Variants in NTRK2 observed in about 807,000 individuals in gnomAD.
NTRK2 encodes the protein neurotrophic receptor tyrosine kinase 2, also known as BDNF/NT-3 growth factors receptor.
NTRK2 carries 13 observed loss-of-function variants against 94.5 expected under a neutral mutation model. That is an observed-to-expected ratio of 0.14 (90% CI 0.09 to 0.22). The LOEUF is 0.22. NTRK2 is among the 10% of genes least tolerant of loss of function. The pLI, the probability that NTRK2 is intolerant of heterozygous loss-of-function variation, is 1.00. For missense variants in NTRK2, 639 were observed against 1,071.2 expected, an observed-to-expected ratio of 0.60 and a Z score of 5.63; for synonymous variants, 372 against 407.4, an observed-to-expected ratio of 0.91 and a Z score of 1.05.
chr9:84,818,728 T>C (rs931070275), intron 12 of NTRK2, among the ~76,000 whole-genome samples: 24 of 152,226 alleles, frequency 1.6e-4, no homozygotes, highest in Admixed American at 2.6e-4. Context: ...CCCATTCTTT[T>C]GGAGTAGTCC....
At chr9:84,804,680 A>G (rs2070898869) in intron 12 of NTRK2, among the ~76,000 whole-genome samples, 1 of 152,242 alleles carries the variant, frequency 6.6e-6, no homozygotes, top group Non-Finnish European at 1.5e-5. Context: ...CTATGGTGGC[A>G]GCAGCAACTG....
intron 9 of NTRK2, among the ~76,000 whole-genome samples, chr9:84,733,190 G>A (rs2063013515): frequency 6.6e-6 from 1 of 152,178 alleles, no homozygotes; most frequent in Non-Finnish European, 1.5e-5. Flanking sequence ...TTGGTGGGGT[G>A]GTGTCAGAGC....
intron 14 of NTRK2, among the ~76,000 whole-genome samples, chr9:84,933,516 G>A (rs887264037): frequency 8.5e-5 from 13 of 152,156 alleles, no homozygotes; most frequent in African/African-American, 3.1e-4. Flanking sequence ...GCCTTGGAGA[G>A]CCAAGACTGA....
chr9:84,989,772 CT>C (rs147289058), intron 17 of NTRK2, among the ~76,000 whole-genome samples: 10 of 152,114 alleles, frequency 6.6e-5, no homozygotes, highest in African/African-American at 2.2e-4. Context: ...TTGAAAATGT[CT>C]TTTTTTTGTA....
intron 12 of NTRK2, among the ~76,000 whole-genome samples, chr9:84,789,470 G>A (rs779702698): frequency 2.6e-5 from 4 of 152,166 alleles, no homozygotes; most frequent in African/African-American, 4.8e-5. Flanking sequence ...GTCCACCAGC[G>A]GAAAACACCG....
chr9:84,823,010 G>T (rs2072949631), intron 12 of NTRK2, among the ~76,000 whole-genome samples: 2 of 152,052 alleles, frequency 1.3e-5, no homozygotes, highest in Non-Finnish European at 2.9e-5. Context: ...TGAACATCTG[G>T]GTTGAGTGCT....
chr9:84,915,973 A>T (rs528572206), intron 14 of NTRK2, among the ~76,000 whole-genome samples: 4 of 152,182 alleles, frequency 2.6e-5, no homozygotes, highest in African/African-American at 4.8e-5. Flanking sequence ...GGTTGATACA[A>T]CAGTTTAGAC....
chr9:84,997,038 G>A (rs1196410638), intron 17 of NTRK2, among the ~76,000 whole-genome samples: 1 of 152,220 alleles, frequency 6.6e-6, no homozygotes, highest in African/African-American at 2.4e-5. Flanking sequence ...TAAGCAGCAT[G>A]TGTCTGCACC....
chr9:84,934,258 G>A lies in NTRK2; in HGVS notation c.1730G>A (p.Cys577Tyr), dbSNP rs756338416. Residue 577 changes from cysteine to tyrosine, a missense_variant, in exon 15 of 19, where the codon TGT becomes TAT. Transcript: ENST00000277120. ...TTCCTAGCTGAATGCTATAACCTCT[G>A]TCCTGAGCAGGACAAGATCTTGGTG... ...KVFLAECYNL[C>Y]PEQDKILVAV... 1 of 1,614,034 alleles carries A rather than the reference G, an allele frequency of 6.2e-7. No individual in the cohort carries two copies. Among genetic ancestry groups the A allele is most frequent in the South Asian group, 1.1e-5 (1 of 91,080 alleles).
chr9:85,008,588 A>G (rs1831225312), intron 17 of NTRK2, among the ~76,000 whole-genome samples: 1 of 152,162 alleles, frequency 6.6e-6, no homozygotes, highest in African/African-American at 2.4e-5. Flanking sequence ...CTCAGAGGTA[A>G]GACGTAATAA....
chr9:84,797,543 A>AC (rs2069493255), intron 12 of NTRK2, among the ~76,000 whole-genome samples: 1 of 66,298 alleles, frequency 1.5e-5, no homozygotes, highest in Non-Finnish European at 2.7e-5. Flanking sequence ...TGTATATATA[A>AC]TATATATATT....
chr9:84,848,546 T>A (rs2074587166), intron 12 of NTRK2, among the ~76,000 whole-genome samples: 1 of 152,222 alleles, frequency 6.6e-6, no homozygotes, highest in African/African-American at 2.4e-5. Flanking sequence ...TATGAAAAAA[T>A]TTGACAATCA....
intron 17 of NTRK2, among the ~76,000 whole-genome samples, chr9:85,001,756 C>T (rs986105476): frequency 2.0e-4 from 30 of 152,350 alleles, no homozygotes; most frequent in East Asian, 5.8e-4. Flanking sequence ...TTATAGGGCC[C>T]GTGCCATAAT....
At chr9:85,012,054 T>A (rs1452479339) in intron 17 of NTRK2, among the ~76,000 whole-genome samples, 2 of 151,376 alleles carry the variant, frequency 1.3e-5, no homozygotes, top group Non-Finnish European at 2.9e-5. Context: ...AGGGGCGCGA[T>A]CTCGGCTCAC....
intron 8 of NTRK2, among the ~76,000 whole-genome samples, chr9:84,726,614 A>G (rs1457411344): frequency 2.6e-5 from 4 of 152,188 alleles, no homozygotes; most frequent in African/African-American, 9.7e-5. Flanking sequence ...TGATGAACAC[A>G]TACAGTCAAG....
At chr9:84,974,265 T>A (rs550294792) in intron 17 of NTRK2, among the ~76,000 whole-genome samples, 73 of 152,304 alleles carry the variant, frequency 4.8e-4, no homozygotes, top group African/African-American at 1.7e-3. Flanking sequence ...TAATATTACC[T>A]GTGTAGAGCC....
Position 84,727,885 on chromosome 9 carries a change from T to C in NTRK2, c.1085T>C (p.Ile362Thr), listed in dbSNP as rs1323675151. The part of the protein sequence containing the change: ...THMNNGDYTL[I>T]AKNEYGKDEK... ...ATGAACAATGGGGACTACACTCTAA[T>C]AGCCAAGAATGAGTATGGGAAGGAT... Residue 362 changes from isoleucine (I) to threonine (T), a missense_variant, in exon 9 of 19, where the codon ATA (isoleucine) becomes ACA (threonine). By Grantham distance (89) the Ile-to-Thr change is moderately conservative (BLOSUM62 -1). Around this residue, in one of 5 missense-constraint regions of NTRK2, gnomAD observed 343 missense variants for 571.5 expected, o/e 0.60. Transcript: ENST00000277120. 3 of 1,614,164 alleles carry C rather than the reference T, an allele frequency of 1.9e-6. No individual in the cohort carries two copies. The highest frequency in any genetic ancestry group is 1.7e-6 in the Non-Finnish European group (2 of 1,180,002).
intron 4 of NTRK2, among the ~76,000 whole-genome samples, chr9:84,703,785 C>A (rs145784605): frequency 4.9e-4 from 74 of 152,244 alleles, no homozygotes; most frequent in African/African-American, 1.8e-3. Flanking sequence ...CTCCAGGGAA[C>A]TTTATTAACA....
chr9:84,862,182 C>T (rs1402924409), intron 13 of NTRK2, among the ~76,000 whole-genome samples: 1 of 152,168 alleles, frequency 6.6e-6, no homozygotes, highest in African/African-American at 2.4e-5. Context: ...AAAGTTAGAA[C>T]ATGAAGCTCA....
Sources: gnomAD v4.1 joint callset for allele counts (sites outside exome capture counted in the v4.1 genomes callset) on GRCh38, gnomAD v4.1.1 for gene constraint, gnomAD v4.1.1 regional missense constraint, MANE v1.5 for transcripts, NCBI Gene and HGNC (gene_info 2026-07-23, HGNC 2026-07-21) for gene names.